GPATCH8: variants seen among roughly 807,000 people sequenced by gnomAD.
GPATCH8 encodes G-patch domain containing 8, also known as G patch domain-containing protein 8.
In GPATCH8, 18 loss-of-function variants were observed where a neutral mutation model predicts 118.3. The ratio of observed to expected loss-of-function variants is 0.15; its 90% confidence interval spans 0.11 to 0.23. GPATCH8 has a LOEUF of 0.23. GPATCH8 is among the 10% of genes least tolerant of loss of function. GPATCH8 has a pLI of 1.00. For missense variants in GPATCH8, 1,631 were observed against 1,873.8 expected, an observed-to-expected ratio of 0.87 and a Z score of 2.39; for synonymous variants, 659 against 684.7, an observed-to-expected ratio of 0.96 and a Z score of 0.59.
intron 2 of GPATCH8, chr17:44,473,657 GA>G (rs1967490761): frequency 6.6e-6 from 1 of 152,198 alleles, no homozygotes; most frequent in Non-Finnish European, 1.5e-5. Context: ...ACAGAAATAA[GA>G]AAGGGAGGTG....
chr17:44,416,084 CCT>C (rs1160389320), intron 6 of GPATCH8, among the ~76,000 whole-genome samples: 2 of 152,180 alleles, frequency 1.3e-5, no homozygotes, highest in South Asian at 2.1e-4. Flanking sequence ...CTCACTGCAA[CCT>C]CTGTCTTCTG....
At position 44,398,413 on chromosome 17, in the gene GPATCH8, C is replaced by T; in HGVS notation, c.3664G>A (p.Ala1222Thr). 6.2e-7 allele frequency: 1 copy of T among 1,613,922 alleles called. No homozygotes were observed. ...SGEATADHPV[A>T]PLGTPAHSDC... ...GAATGTGCTGGGGTGCCTAGTGGAG[C>T]CACAGGGTGATCAGCAGTAGCTTCT... Residue 1222 changes from alanine (A) to threonine (T), a missense_variant, in exon 8 of 8, where the codon GCT becomes ACT. Ala to Thr is a moderately conservative substitution (Grantham distance 58). Coordinates refer to ENST00000591680, the MANE Select transcript of GPATCH8 (RefSeq NM_001002909.4).
At chr17:44,442,573 T>C (rs2050739595) in intron 3 of GPATCH8, among the ~76,000 whole-genome samples, 1 of 152,212 alleles carries the variant, frequency 6.6e-6, no homozygotes, top group African/African-American at 2.4e-5. Flanking sequence ...CAAGCAATTC[T>C]TGCCTCTAGG....
rs1468211821 is a variant in GPATCH8, at chr17:44,397,882, G to A, written c.4195C>T (p.Pro1399Ser). ...TGATGCACCTGGGCAAGTGGTTGGGGATGGGGGTGAGGGTGAATGCCGATG... is the reference window on the plus strand; with the variant it reads ...TGATGCACCTGGGCAAGTGGTTGGGAATGGGGGTGAGGGTGAATGCCGATG... ...AAIGIHPHPH[P>S]QPLAQVHHIP... The change falls in exon 8 of 8, where the codon CCC (proline) becomes TCC (serine). Residue 1399 changes from proline (P) to serine (S), a missense_variant. Physicochemically the swap from Pro to Ser is moderately conservative, Grantham distance 74 (BLOSUM62 -1). Coordinates refer to ENST00000591680, the MANE Select transcript of GPATCH8 (RefSeq NM_001002909.4). The A allele has an allele frequency of 1.2e-6, 2 of 1,610,044 alleles. No individual in the cohort carries two copies. Among genetic ancestry groups the A allele is most frequent in the South Asian group, 2.2e-5 (2 of 90,978 alleles).
At chr17:44,483,174 AAAATATATATATATATATATAT>A (rs1396906745) in intron 1 of GPATCH8, among the ~76,000 whole-genome samples, 1 of 17,240 alleles carries the variant, frequency 5.8e-5, no homozygotes, top group Non-Finnish European at 1.4e-4. Context: ...AAAAAAAAAA[AAAATATATATATATATATATAT>A]ATATATATAT....
At chr17:44,462,558 A>G (rs2051595413) in intron 3 of GPATCH8, among the ~76,000 whole-genome samples, 1 of 152,212 alleles carries the variant, frequency 6.6e-6, no homozygotes, top group Admixed American at 6.5e-5. Context: ...TAAATCTTCT[A>G]TTTCCCCAGA....
At chr17:44,469,382 A>G (rs1286418375) in intron 2 of GPATCH8, among the ~76,000 whole-genome samples, 1 of 152,202 alleles carries the variant, frequency 6.6e-6, no homozygotes, top group Non-Finnish European at 1.5e-5. Context: ...TTTTGGTAAC[A>G]GCACCACCAA....
At chr17:44,470,217 CTTTT>C (rs1376694747) in intron 2 of GPATCH8, among the ~76,000 whole-genome samples, 2 of 152,140 alleles carry the variant, frequency 1.3e-5, no homozygotes, top group East Asian at 1.9e-4. Context: ...GATCCCTCAT[CTTTT>C]TTTGTTTGTT....
At chr17:44,425,436 A>C (rs1006170468) in intron 5 of GPATCH8, among the ~76,000 whole-genome samples, 1 of 152,216 alleles carries the variant, frequency 6.6e-6, no homozygotes, top group Non-Finnish European at 1.5e-5. Flanking sequence ...ATTTGGACAG[A>C]CTTATTAAAA....
At chr17:44,485,384 G>A (rs1968702013) in intron 1 of GPATCH8, among the ~76,000 whole-genome samples, 1 of 152,178 alleles carries the variant, frequency 6.6e-6, no homozygotes, top group Admixed American at 6.6e-5. Flanking sequence ...AAAGTGCTAG[G>A]ATTATAGGCT....
chr17:44,491,289 G>A (rs1425182544), intron 1 of GPATCH8, among the ~76,000 whole-genome samples: 2 of 152,138 alleles, frequency 1.3e-5, no homozygotes, highest in Non-Finnish European at 2.9e-5. Flanking sequence ...AGGAGTTCAA[G>A]ACCAGCCTAG....
At chr17:44,401,958 C>G (rs2049037677) in intron 7 of GPATCH8, among the ~76,000 whole-genome samples, 2 of 150,384 alleles carry the variant, frequency 1.3e-5, no homozygotes, top group South Asian at 2.1e-4. Context: ...GAGCCAAGAT[C>G]ACGCCACTGC....
intron 2 of GPATCH8, 75 bp from the exon 3 acceptor site, chr17:44,464,619 A>G (rs576877717): frequency 1.4e-4 from 123 of 885,794 alleles, no homozygotes; most frequent in Admixed American, 2.4e-4. Flanking sequence ...ACATTTAAAC[A>G]GATGATGAGC....
Position 44,469,006 on chromosome 17 carries a change from C to G in GPATCH8, c.121-4462G>C, listed in dbSNP as rs534391783. ...CTGTTCTTTGGTTGGAAATGAAGTT[C>G]TTCTTCTAATTCTGGTTAAACCATG... On this transcript the variant is annotated intron_variant, in intron 2 of 7. Coordinates refer to ENST00000591680, the MANE Select transcript of GPATCH8 (RefSeq NM_001002909.4). Among the ~76,000 whole-genome samples, 3 of 152,220 alleles carry G rather than the reference C, an allele frequency of 2.0e-5. No homozygotes were observed. The South Asian group carries it at 6.2e-4, about 32-fold the overall frequency.
intron 3 of GPATCH8, among the ~76,000 whole-genome samples, chr17:44,442,005 G>T (rs2144092188): frequency 6.6e-6 from 1 of 151,436 alleles, no homozygotes; most frequent in Admixed American, 6.6e-5. Flanking sequence ...TCCAGACTGG[G>T]CAACAAGAGT....
intron 2 of GPATCH8, among the ~76,000 whole-genome samples, chr17:44,472,171 ACATT>A (rs767604897): frequency 2.6e-5 from 4 of 152,280 alleles, no homozygotes; most frequent in Admixed American, 6.5e-5. Flanking sequence ...ACATTTCTGA[ACATT>A]CATTTATTTA....
At chr17:44,476,934 AT>A in intron 1 of GPATCH8, among the ~76,000 whole-genome samples, 1 of 152,322 alleles carries the variant, frequency 6.6e-6, no homozygotes, top group Admixed American at 6.5e-5. Context: ...TTAAATCAAA[AT>A]ATCAATTTTC....
intron 1 of GPATCH8, among the ~76,000 whole-genome samples, chr17:44,489,757 A>G (rs1029053811): frequency 2.0e-5 from 3 of 152,226 alleles, no homozygotes; most frequent in Non-Finnish European, 4.4e-5. Context: ...TGACAATGAT[A>G]GTAGTGGTGA....
intron 6 of GPATCH8, chr17:44,409,492 C>T (rs1446830218): frequency 1.3e-5 from 2 of 152,220 alleles, no homozygotes; most frequent in Non-Finnish European, 1.5e-5. Context: ...GGTGACTGTT[C>T]TTTCTGAACT....
Sources: gnomAD v4.1 joint callset for allele counts (sites outside exome capture counted in the v4.1 genomes callset) on GRCh38, gnomAD v4.1.1 for gene constraint, MANE v1.5 for transcripts, NCBI Gene and HGNC (gene_info 2026-07-23, HGNC 2026-07-21) for gene names.